The following DGKD variants were observed in gnomAD, a reference collection of about 807,000 sequenced individuals.
DGKD encodes DAG kinase delta.
In DGKD, 68 loss-of-function variants were observed where a neutral mutation model predicts 154.4. The ratio of observed to expected loss-of-function variants is 0.44; its 90% CI spans 0.36 to 0.54. DGKD has a LOEUF of 0.54. Ranked by LOEUF, DGKD falls within the 20% of genes least tolerant of loss-of-function variation. The pLI, the probability that DGKD is intolerant of heterozygous loss-of-function variation, is 0.00. For synonymous variants in DGKD, 693 were observed against 638.0 expected (o/e 1.09, Z -1.30); for missense variants, 1,343 against 1,593.6 (o/e 0.84, Z 2.68).
At position 233,367,191 on chromosome 2, in the gene DGKD, T is replaced by C. The variant is rs115212001; in HGVS notation, c.156+12517T>C. Among the ~76,000 whole-genome samples the C allele has an allele frequency of 5.9e-3, 900 of 151,954 alleles. 14 individuals carry two copies. Among genetic ancestry groups the C allele is most frequent in the African/African-American group, 0.021 (858 of 41,452 alleles). ...TTCCCTACCTGCCTATAACATCAAC[T>C]TTTTCAAGAGACAAGGGCAGTTGTC... On this transcript the variant is annotated intron_variant, in intron 1 of 29. Transcript: ENST00000264057.
intron 3 of DGKD, among the ~76,000 whole-genome samples, chr2:233,409,862 A>G (rs2061783058): frequency 7.1e-6 from 1 of 140,404 alleles, no homozygotes; most frequent in Admixed American, 8.0e-5. Flanking sequence ...AGATCTGTGC[A>G]GAAGGGTTGG....
At chr2:233,429,382 C>G (rs1024595929) in intron 3 of DGKD, 33 of 943,542 alleles carry the variant, frequency 3.5e-5, no homozygotes, top group Non-Finnish European at 4.0e-5. Context: ...GTGAACAGTT[C>G]GGGACGTGTG....
chr2:233,369,062 T>C (rs985682050), intron 1 of DGKD, among the ~76,000 whole-genome samples: 2 of 152,262 alleles, frequency 1.3e-5, no homozygotes, highest in African/African-American at 2.4e-5. Context: ...TAGGGTTGTC[T>C]CAGCCTCATA....
intron 28 of DGKD, among the ~76,000 whole-genome samples, chr2:233,468,046 A>G (rs921444295): frequency 2.0e-5 from 3 of 152,016 alleles, no homozygotes; most frequent in African/African-American, 7.2e-5. Flanking sequence ...GACACGGGGA[A>G]ATGACCAGAG....
intron 3 of DGKD, among the ~76,000 whole-genome samples, chr2:233,396,820 C>T (rs550601860): frequency 5.3e-5 from 8 of 152,116 alleles, no homozygotes; most frequent in Middle Eastern, 3.4e-3. Context: ...ACCAGCAGTG[C>T]GAAGACCTTG....
chr2:233,402,924 T>A (rs1245836485), intron 3 of DGKD, among the ~76,000 whole-genome samples: 1 of 152,244 alleles, frequency 6.6e-6, no homozygotes, highest in Non-Finnish European at 1.5e-5. Context: ...GGGAGACTTC[T>A]AACAGTATAT....
At position 233,448,158 on chromosome 2, in the gene DGKD, C is replaced by A. The variant is rs201074042; in HGVS notation, c.1491C>A (p.His497Gln). Residue 497 changes from histidine (H) to glutamine (Q), a missense_variant, in exon 13 of 30, where the codon CAC becomes CAA. Physicochemically the swap from His to Gln is conservative, Grantham distance 24 (BLOSUM62 0). Transcript: ENST00000264057. ...HLSKILTSDQ[H>Q]SVVISSAKVL... ...CTAAAATCCTCACCTCGGACCAGCA[C>A]TCGGTGGTCATCTCCTCGGCCAAGT... 1 of 1,614,194 alleles carries A rather than the reference C, an allele frequency of 6.2e-7. No individual in the cohort carries two copies. Among genetic ancestry groups the A allele is most frequent in the African/African-American group, 1.3e-5 (1 of 75,052 alleles).
chr2:233,454,905 T>A lies in DGKD; in HGVS notation c.2375+32T>A, dbSNP rs773914773. The A allele has an allele frequency of 3.6e-6, 5 of 1,384,238 alleles. No homozygotes were observed. The South Asian group carries it at 5.9e-5, about 16-fold the overall frequency. The allele number at this position is 1,384,238 out of a possible 1,614,324, so 85.7% of individuals were successfully genotyped here. A position where few individuals can be genotyped will look rare whatever the true frequency, so the allele number is the denominator to read the frequency against. On this transcript the variant is annotated intron_variant, in intron 19 of 29. Coordinates refer to ENST00000264057, the MANE Select transcript of DGKD (RefSeq NM_152879.3). The stretch of plus-strand genomic sequence containing the variant: ...AACAGGCTCAGGAGCACGTCTGTCT[T>A]TTGCGTCTTTGTGGCTTCTCCTTCC...
intron 3 of DGKD, among the ~76,000 whole-genome samples, chr2:233,426,129 G>A (rs1319020503): frequency 1.3e-5 from 2 of 152,130 alleles, no homozygotes; most frequent in South Asian, 2.1e-4. Flanking sequence ...TTTCATAAAC[G>A]TTGAAAATCC....
chr2:233,404,416 C>T (rs2061630716), intron 3 of DGKD, among the ~76,000 whole-genome samples: 1 of 152,128 alleles, frequency 6.6e-6, no homozygotes, highest in Admixed American at 6.5e-5. Flanking sequence ...ATGCTGAGCC[C>T]TGTTTGCCCA....
At position 233,445,138 on chromosome 2, in the gene DGKD, T is replaced by C. The variant is rs1229236443; in HGVS notation, c.1195-485T>C. ...ACTGAGGATGGTCCTGGCACCTTTT[T>C]TGGATAGGATTTAGAGGAGAGAAGT... On this transcript the variant is annotated intron_variant, in intron 10 of 29. Coordinates refer to ENST00000264057, the MANE Select transcript of DGKD (RefSeq NM_152879.3). This position sits in a 1 kb window ranked among gnomAD's most constrained non-coding sequence, Gnocchi z 5.5. Among the ~76,000 whole-genome samples the C allele has an allele frequency of 1.3e-5, 2 of 152,076 alleles. No homozygotes were observed. Among genetic ancestry groups the C allele is most frequent in the African/African-American group, 4.8e-5 (2 of 41,408 alleles).
chr2:233,370,570 CTT>C (rs56301429), intron 1 of DGKD, among the ~76,000 whole-genome samples: 8 of 123,330 alleles, frequency 6.5e-5, no homozygotes, highest in African/African-American at 8.9e-5. Flanking sequence ...AGAACTTCTT[CTT>C]TTTTTTTTTT....
chr2:233,430,716 GA>G (rs1559537351), intron 3 of DGKD, among the ~76,000 whole-genome samples: 1 of 152,262 alleles, frequency 6.6e-6, no homozygotes, highest in East Asian at 1.9e-4. Context: ...TATGACCCTT[GA>G]AAATTTTGAT....
At chr2:233,466,117 C>T (rs2063816491) in intron 27 of DGKD, among the ~76,000 whole-genome samples, 1 of 151,858 alleles carries the variant, frequency 6.6e-6, no homozygotes, top group Non-Finnish European at 1.5e-5. Flanking sequence ...CTTCATTTTA[C>T]TGTGCTCCAA....
chr2:233,469,613 T>C lies in DGKD; in HGVS notation c.*153T>C, dbSNP rs1048099608. ...TCATGGTGCTACTTCCTCTGTCAGC[T>C]ACAGAAAGCCTCCGTGACACCGTCC... On this transcript the variant is annotated 3_prime_UTR_variant, in exon 30 of 30. Transcript: ENST00000264057. 6 of 649,326 alleles carry C rather than the reference T, an allele frequency of 9.2e-6. No homozygotes were observed. The Admixed American group carries it at 1.4e-4, about 15-fold the overall frequency. The allele number at this position is 649,326 out of a possible 1,614,324, so 40.2% of individuals were successfully genotyped here. A position where few individuals can be genotyped will look rare whatever the true frequency, so the allele number is the denominator to read the frequency against.
intron 1 of DGKD, among the ~76,000 whole-genome samples, chr2:233,370,034 T>C (rs1163940817): frequency 6.6e-6 from 1 of 152,146 alleles, no homozygotes; most frequent in Non-Finnish European, 1.5e-5. Flanking sequence ...TAAGTGCCAT[T>C]AAGTACATTA....
intron 24 of DGKD, among the ~76,000 whole-genome samples, chr2:233,460,910 A>C (rs1223834503): frequency 1.3e-5 from 2 of 151,194 alleles, no homozygotes; most frequent in African/African-American, 2.4e-5. Flanking sequence ...ACAAAACAAA[A>C]CAAAAAAACC....
In DGKD at chr2:233,441,415, G is replaced by A. The variant is rs948685693; in HGVS notation, c.1086-472G>A. Among the ~76,000 whole-genome samples the A allele has an allele frequency of 3.9e-5, 6 of 152,202 alleles. No homozygotes were observed. In the South Asian group the frequency reaches 6.2e-4, roughly 16 times the overall value. ...CCAGACTGTGGCCCAGGGCCGGGGA[G>A]TGCCAAGACTGAGGGTGCAGGGTGA... On this transcript the variant is annotated intron_variant, in intron 9 of 29. Coordinates refer to ENST00000264057, the MANE Select transcript of DGKD (RefSeq NM_152879.3). The surrounding 1 kb of genome is among the most constrained non-coding windows in gnomAD (Gnocchi z 5.6).
At position 233,449,554 on chromosome 2, in the gene DGKD, C is replaced by T. The variant is rs2063200565; in HGVS notation, c.1888+178C>T. 1.3e-5 allele frequency among the ~76,000 whole-genome samples: 2 copies of T among 152,208 alleles called. No individual in the cohort carries two copies. The highest frequency in any genetic ancestry group is 4.8e-5 in the African/African-American group (2 of 41,458). On this transcript the variant is annotated intron_variant, in intron 15 of 29. Coordinates refer to ENST00000264057, the MANE Select transcript of DGKD (RefSeq NM_152879.3). The surrounding 1 kb of genome is among the most constrained non-coding windows in gnomAD (Gnocchi z 5.3). Reference sequence around the variant, plus strand: ...GTTCGCTTGCCCTCCTTCCACCCCTCCTCTCACACCCTCAGACCCCTTCAT... The same window carrying T: ...GTTCGCTTGCCCTCCTTCCACCCCTTCTCTCACACCCTCAGACCCCTTCAT...
Sources: gnomAD v4.1 joint callset for allele counts (sites outside exome capture counted in the v4.1 genomes callset) on GRCh38, gnomAD v4.1.1 for gene constraint, Gnocchi (gnomAD v3.1) non-coding constraint, MANE v1.5 for transcripts, NCBI Gene and HGNC (gene_info 2026-07-23, HGNC 2026-07-21) for gene names.